The following MACF1 variants were observed in gnomAD, a reference collection of about 807,000 sequenced individuals.
The protein encoded by MACF1 is microtubule actin crosslinking factor 1.
A neutral mutation model predicts 854.8 loss-of-function variants in MACF1; 193 were observed. The ratio of observed to expected loss-of-function variants is 0.23; its 90% CI spans 0.20 to 0.25. The LOEUF is 0.25. Among genes scored for constraint, MACF1 ranks in the 10% least tolerant of loss-of-function variants. The probability of loss-of-function intolerance (pLI) is 1.00; values close to 1 mark genes in which losing one functional copy is unlikely to be tolerated. For synonymous variants in MACF1, 3,185 were observed against 3,226.7 expected (o/e 0.99, Z 0.44); for missense variants, 7,722 against 8,929.1 (o/e 0.86, Z 5.45).
rs1421716072 is a variant in MACF1 at position 39,428,243 on chromosome 1, G to T, written c.16759G>T (p.Asp5587Tyr). 1.2e-6 allele frequency: 2 copies of T among 1,613,656 alleles called. No homozygotes were observed. The highest frequency in any genetic ancestry group is 3.3e-5 in the Admixed American group (2 of 59,904). Reference protein sequence around the residue: ...EDKLSSVFVKDFKQDVLHRQH... With the variant: ...EDKLSSVFVKYFKQDVLHRQH... ...CAAGCTCAGTTCAGTGTTCGTAAAG[G>T]ATTTCAAACAGGATGTCCTGCACAG... The change falls in exon 63 of 101, where the codon GAT (aspartate) becomes TAT (tyrosine). Residue 5587 changes from aspartate (D) to tyrosine (Y), a missense_variant. Around this residue, in one of 15 missense-constraint regions of MACF1, gnomAD observed 2,807 missense variants for 3,235.8 expected, o/e 0.87. Coordinates refer to ENST00000564288, the MANE Select transcript of MACF1 (RefSeq NM_001394062.1).
rs757391539 is a variant in MACF1 at position 39,284,105 on chromosome 1, G to T, written c.955G>T (p.Asp319Tyr). 2.5e-6 allele frequency: 4 copies of T among 1,614,024 alleles called. No individual in the cohort carries two copies. The South Asian group carries it at 4.4e-5, about 18-fold the overall frequency. The change falls in exon 10 of 101, where the codon GAC becomes TAC. Residue 319 changes from aspartate (D) to tyrosine (Y), a missense_variant. By Grantham distance (160) the Asp-to-Tyr change is radical (BLOSUM62 -3). This residue lies in a region of MACF1 where 97 missense variants were observed against 130.4 expected (regional missense o/e 0.74). Transcript: ENST00000564288. ...GTGGCAAGAATACCAAAGCCGAGTG[G>T]ACTCCCTCATTCCCTGGATCAAACA... ...SRWQEYQSRV[D>Y]SLIPWIKQHT...
At chr1:39,088,113 C>T (rs1240207729) in intron 2 of MACF1, among the ~76,000 whole-genome samples, 2 of 152,196 alleles carry the variant, frequency 1.3e-5, no homozygotes, top group Non-Finnish European at 2.9e-5. Context: ...GCTGGGACTA[C>T]AGGCGCCTGC....
chr1:39,259,728 T>A (rs761234058), intron 6 of MACF1, among the ~76,000 whole-genome samples: 1 of 152,108 alleles, frequency 6.6e-6, no homozygotes, highest in Non-Finnish European at 1.5e-5. Flanking sequence ...GTTCAAGAGA[T>A]TCTCCTGCTT....
Position 39,458,459 on chromosome 1 carries a change from G to T in MACF1, c.21165G>T (p.Ala7055=). 6.2e-7 allele frequency: 1 copy of T among 1,613,848 alleles called. No individual in the cohort carries two copies. Among genetic ancestry groups the T allele is most frequent in the Non-Finnish European group, 8.5e-7 (1 of 1,179,886 alleles). The stretch of plus-strand genomic sequence containing the variant: ...GGAAAAACATAGAGCCTACTCACGC[G>T]CCTTTCATAGAGAAATCCCGCAGCG... ...YKRKNIEPTH[A]PFIEKSRSGG... is the part of the protein sequence containing the mutation. The change falls in exon 90 of 101, where the codon GCG becomes GCT. Residue 7055 remains alanine, a synonymous_variant. Transcript: ENST00000564288.
chr1:39,119,359 T>C (rs111699006), intron 2 of MACF1, among the ~76,000 whole-genome samples: 533 of 151,156 alleles, frequency 3.5e-3, no homozygotes, highest in African/African-American at 0.012. Context: ...AACAAACAAG[T>C]GTTATAATTG....
intron 2 of MACF1, among the ~76,000 whole-genome samples, chr1:39,095,847 G>A (rs575770285): frequency 2.6e-5 from 4 of 151,442 alleles, no homozygotes; most frequent in South Asian, 2.1e-4. Context: ...ACACTCCAGC[G>A]TAGGCAACAG....
intron 2 of MACF1, among the ~76,000 whole-genome samples, chr1:39,157,609 G>T (rs1643717715): frequency 6.6e-6 from 1 of 152,204 alleles, no homozygotes; most frequent in African/African-American, 2.4e-5. Flanking sequence ...AGATGAGCAA[G>T]AATTTTTCAA....
chr1:39,327,803 A>T (rs1646644513), intron 36 of MACF1, among the ~76,000 whole-genome samples: 1 of 152,204 alleles, frequency 6.6e-6, no homozygotes, highest in Admixed American at 6.5e-5. Context: ...CTGGTAGAGT[A>T]GTTTCACTGA....
chr1:39,211,101 G>C (rs1208393030), intron 1 of MACF1, among the ~76,000 whole-genome samples: 1 of 151,968 alleles, frequency 6.6e-6, no homozygotes, highest in Non-Finnish European at 1.5e-5. Context: ...CGAGTAGCTG[G>C]GATTACAGGT....
intron 2 of MACF1, among the ~76,000 whole-genome samples, chr1:39,196,793 T>C (rs539330093): frequency 1.6e-4 from 24 of 152,364 alleles, no homozygotes; most frequent in Admixed American, 5.2e-4. Context: ...AGCATACCTT[T>C]GCACAGGCTT....
At chr1:39,272,350 AGAGAG>A (rs1645340079) in intron 6 of MACF1, among the ~76,000 whole-genome samples, 1 of 152,150 alleles carries the variant, frequency 6.6e-6, no homozygotes, top group Admixed American at 6.5e-5. Flanking sequence ...CCAGAGAAAC[AGAGAG>A]GGCAACGCAT....
At chr1:39,213,319 C>T (rs540473577) in intron 1 of MACF1, among the ~76,000 whole-genome samples, 17 of 152,212 alleles carry the variant, frequency 1.1e-4, no homozygotes, top group African/African-American at 3.4e-4. Flanking sequence ...AGTCCCTACA[C>T]TCAGATAATT....
intron 2 of MACF1, among the ~76,000 whole-genome samples, chr1:39,139,176 C>T (rs1481458268): frequency 6.6e-6 from 1 of 152,152 alleles, no homozygotes; most frequent in African/African-American, 2.4e-5. Context: ...TAATTTTAAT[C>T]AACTGTCTCG....
Position 39,303,035 on chromosome 1 carries a change from C to G in MACF1, c.2746C>G (p.Leu916Val), listed in dbSNP as rs778415706. ...GGCAATGGTGCCGTCAGTCTGCTTCCTCATCCCCCCACCCAATAAGGATGC... is the reference window on the plus strand; with the variant it reads ...GGCAATGGTGCCGTCAGTCTGCTTCGTCATCCCCCCACCCAATAAGGATGC... ...NEAMVPSVCFLIPPPNKDAIE... is the reference protein window; with the variant it reads ...NEAMVPSVCFVIPPPNKDAIE... The change falls in exon 23 of 101, where the codon CTC becomes GTC. Residue 916 changes from leucine (L) to valine (V), a missense_variant. Physicochemically the swap from Leu to Val is conservative, Grantham distance 32. Transcript: ENST00000564288. The G allele has an allele frequency of 3.1e-6, 5 of 1,614,066 alleles. No homozygotes were observed. Among genetic ancestry groups the G allele is most frequent in the Admixed American group, 3.3e-5 (2 of 60,004 alleles).
intron 87 of MACF1, among the ~76,000 whole-genome samples, chr1:39,453,336 C>T (rs758113381): frequency 2.0e-5 from 3 of 152,028 alleles, no homozygotes; most frequent in Non-Finnish European, 4.4e-5. Context: ...ATGGTTTTTA[C>T]AACTATAATT....
chr1:39,453,264 C>T (rs185602284), intron 87 of MACF1, among the ~76,000 whole-genome samples: 37 of 152,178 alleles, frequency 2.4e-4, no homozygotes, highest in East Asian at 1.5e-3. Flanking sequence ...TTTATGTTAT[C>T]CACTCAGAGA....
At chr1:39,426,245 AAT>A (rs1491531921) in intron 61 of MACF1, among the ~76,000 whole-genome samples, 2 of 152,256 alleles carry the variant, frequency 1.3e-5, no homozygotes, top group African/African-American at 2.4e-5. Context: ...CCACTTAAAA[AAT>A]ATGTTTTTCT....
intron 2 of MACF1, chr1:39,102,839 C>T (rs990693326): frequency 1.4e-6 from 1 of 702,452 alleles, no homozygotes; most frequent in African/African-American, 1.7e-5. Context: ...ACTGTGTGGT[C>T]TGGCTATAAA....
At chr1:39,222,560 G>A (rs556585868) in intron 1 of MACF1, among the ~76,000 whole-genome samples, 1 of 152,220 alleles carries the variant, frequency 6.6e-6, no homozygotes, top group Admixed American at 6.5e-5. Context: ...GTTCTATCAC[G>A]CCTTCCATGA....
Sources: gnomAD v4.1 joint callset for allele counts (sites outside exome capture counted in the v4.1 genomes callset) on GRCh38, gnomAD v4.1.1 for gene constraint, gnomAD v4.1.1 regional missense constraint, MANE v1.5 for transcripts, NCBI Gene and HGNC (gene_info 2026-07-23, HGNC 2026-07-21) for gene names.